ADCY3: variants seen among roughly 807,000 people sequenced by gnomAD.
ADCY3 encodes adenylate cyclase 3.
Under a neutral mutation model 119.4 loss-of-function variants are expected in ADCY3, and 70 were observed. That is an observed-to-expected ratio of 0.59 (90% CI 0.48 to 0.72). The LOEUF is 0.72. Ranked by LOEUF, ADCY3 falls within the 30% of genes least tolerant of loss-of-function variation. ADCY3 has a pLI of 0.00. For synonymous variants in ADCY3, 672 were observed against 621.4 expected (o/e 1.08, Z -1.21); for missense variants, 1,238 against 1,541.6 (o/e 0.80, Z 3.30).
At chr2:24,821,777 G>A in intron 19 of ADCY3, 137 bp from the exon 20 acceptor site, 1 of 1,322,932 alleles carries the variant, frequency 7.6e-7, no homozygotes, top group Non-Finnish European at 1.0e-6. Context: ...TCCCACAAAG[G>A]AGTCGCAGCC....
chr2:24,830,477 C>T (rs572939574), intron 13 of ADCY3, among the ~76,000 whole-genome samples: 1 of 152,182 alleles, frequency 6.6e-6, no homozygotes, highest in Non-Finnish European at 1.5e-5. Flanking sequence ...ACTGTGCTCT[C>T]GGACTCTGGG....
intron 19 of ADCY3, chr2:24,821,858 AGAG>A: frequency 1.7e-6 from 1 of 582,638 alleles, no homozygotes; most frequent in South Asian, 2.3e-5. Context: ...GCAATTGAGC[AGAG>A]GAGACGGACC....
In ADCY3 at chr2:24,920,005, G is replaced by A. The variant is rs561932103; in HGVS notation, c.-520C>T. Reference sequence around the variant, plus strand: ...GGCAGGGGCCGTGCGGGGGCCGGCAGGCGCGGGCGGCGGCGAGCGCGGCTC... The same window carrying A: ...GGCAGGGGCCGTGCGGGGGCCGGCAAGCGCGGGCGGCGGCGAGCGCGGCTC... On this transcript the variant is annotated 5_prime_UTR_variant, in exon 1 of 22. Coordinates refer to ENST00000679454, the MANE Select transcript of ADCY3 (RefSeq NM_004036.5). The surrounding 1 kb of genome is among the most constrained non-coding windows in gnomAD (Gnocchi z 4.5). Among the ~76,000 whole-genome samples, 100 of 147,686 alleles carry A rather than the reference G, an allele frequency of 6.8e-4. No homozygotes were observed. Among genetic ancestry groups the A allele is most frequent in the African/African-American group, 2.4e-3 (97 of 41,110 alleles).
intron 3 of ADCY3, among the ~76,000 whole-genome samples, chr2:24,870,889 T>C (rs891004808): frequency 1.3e-5 from 2 of 152,154 alleles, no homozygotes; most frequent in Admixed American, 6.5e-5. Flanking sequence ...ACTTTGCAGA[T>C]GAGGAAAAGT....
rs1024615619 is a variant in ADCY3 at position 24,872,476 on chromosome 2, G to A, written c.825+94C>T. Reference sequence around the variant, plus strand: ...AGGGTGGATGAACGCCAAGCCCCACGGAGCCAGGGGCTGCCGCTCTGGTTC... The same window carrying A: ...AGGGTGGATGAACGCCAAGCCCCACAGAGCCAGGGGCTGCCGCTCTGGTTC... On this transcript the variant is annotated intron_variant, in intron 3 of 21. Transcript: ENST00000679454. This position sits in a 1 kb window ranked among gnomAD's most constrained non-coding sequence, Gnocchi z 4.4. The A allele has an allele frequency of 5.4e-6, 8 of 1,477,406 alleles. No homozygotes were observed. The East Asian group carries it at 9.1e-5, about 17-fold the overall frequency. 91.5% of individuals were successfully genotyped at this position (1,477,406 alleles called of 1,614,324 possible). A position where few individuals can be genotyped will look rare whatever the true frequency, so the allele number is the denominator to read the frequency against.
rs375206488 is a variant in ADCY3 at position 24,821,485 on chromosome 2, T to A, written c.3127+32A>T. The stretch of plus-strand genomic sequence containing the variant: ...CAGGCCCCTGCATGGGAAGGGAGCC[T>A]GCTGCGGGGCAGGCCAGCTGGGGGT... On this transcript the variant is annotated intron_variant, in intron 20 of 21. Coordinates refer to ENST00000679454, the MANE Select transcript of ADCY3 (RefSeq NM_004036.5). 17 of 1,611,060 alleles carry A rather than the reference T, an allele frequency of 1.1e-5. No individual in the cohort carries two copies. In the African/African-American group the frequency reaches 2.1e-4, roughly 20 times the overall value.
intron 2 of ADCY3, among the ~76,000 whole-genome samples, chr2:24,917,616 C>T (rs1016043730): frequency 2.6e-5 from 4 of 152,152 alleles, no homozygotes; most frequent in African/African-American, 7.2e-5. Context: ...GCTCCAGGAC[C>T]AGCAGAATGC....
intron 20 of ADCY3, 187 bp downstream of exon 20, chr2:24,821,330 T>A: frequency 1.3e-6 from 1 of 756,662 alleles, no homozygotes; most frequent in Non-Finnish European, 2.1e-6. Context: ...ATCAGCTGGG[T>A]TTTTGGTTTA....
chr2:24,828,943 G>A (rs2148442377), intron 13 of ADCY3, among the ~76,000 whole-genome samples: 1 of 152,294 alleles, frequency 6.6e-6, no homozygotes, highest in Admixed American at 6.5e-5. Context: ...TCCCTGGGTA[G>A]TGGGCACCAG....
chr2:24,850,173 C>T (rs764225689), intron 3 of ADCY3, among the ~76,000 whole-genome samples: 1 of 152,098 alleles, frequency 6.6e-6, no homozygotes, highest in Non-Finnish European at 1.5e-5. Context: ...TCTGTTCCTC[C>T]CTCCTCACTA....
In ADCY3 at chr2:24,872,955, AG is replaced by A. The variant is rs1055915042; in HGVS notation, c.676-237del. Among the ~76,000 whole-genome samples, 12 of 152,354 alleles carry A rather than the reference AG, an allele frequency of 7.9e-5. No individual in the cohort carries two copies. The highest frequency in any genetic ancestry group is 2.9e-4 in the African/African-American group (12 of 41,596). The stretch of plus-strand genomic sequence containing the variant: ...CATGGCTCAAGGCCTGAAAGGCTCA[AG>A]GGTTCCACGAGGGGCAGGGTGCAGG... On this transcript the variant is annotated intron_variant, in intron 2 of 21. Transcript: ENST00000679454. The surrounding 1 kb of genome is among the most constrained non-coding windows in gnomAD (Gnocchi z 4.4).
At chr2:24,827,825 G>T in intron 14 of ADCY3, 77 bp downstream of exon 14, 3 of 1,589,086 alleles carry the variant, frequency 1.9e-6, no homozygotes, top group Non-Finnish European at 2.6e-6. Context: ...CTCAGCACAG[G>T]CCCATGAGCT....
At chr2:24,838,941 A>ATT (rs377483153) in intron 7 of ADCY3, 4,947 of 1,127,386 alleles carry the variant, frequency 4.4e-3, no homozygotes, top group Non-Finnish European at 4.8e-3. Flanking sequence ...GCGATAAGGA[A>ATT]TTTTTTTTTT....
At chr2:24,822,086 G>A in intron 19 of ADCY3, 1 of 190,198 alleles carries the variant, frequency 5.3e-6, no homozygotes, top group Non-Finnish European at 1.1e-5. Context: ...TTTAAGACCA[G>A]AGCTTGGGAC....
chr2:24,850,908 T>C (rs1157348213), intron 3 of ADCY3, among the ~76,000 whole-genome samples: 1 of 152,196 alleles, frequency 6.6e-6, no homozygotes. Context: ...GACGCTGGGA[T>C]CTATGTGTGC....
chr2:24,885,729 A>C (rs1256364571), intron 2 of ADCY3, among the ~76,000 whole-genome samples: 1 of 152,212 alleles, frequency 6.6e-6, no homozygotes, highest in African/African-American at 2.4e-5. Flanking sequence ...TATTTTTGCA[A>C]GTACCACCTT....
intron 3 of ADCY3, among the ~76,000 whole-genome samples, chr2:24,865,534 T>A (rs1674185408): frequency 1.4e-5 from 2 of 142,440 alleles, no homozygotes; most frequent in African/African-American, 5.4e-5. Context: ...TGTGTGTGTG[T>A]GAAAATTCTA....
chr2:24,918,596 G>A lies in ADCY3; in HGVS notation c.392C>T (p.Pro131Leu), dbSNP rs1271735636. ...LFVLCKKGLL[P>L]DRVTRRVLPY... ...CAGCACTCTGCGGGTGACCCGGTCCGGGAGCAGCCCCTTTTTGCAGAGCAC... is the reference window on the plus strand; with the variant it reads ...CAGCACTCTGCGGGTGACCCGGTCCAGGAGCAGCCCCTTTTTGCAGAGCAC... Residue 131 changes from proline (P) to leucine (L), a missense_variant, in exon 2 of 22, where the codon CCG (proline) becomes CTG (leucine). This residue lies in a region of ADCY3 where 227 missense variants were observed against 249.3 expected (regional missense o/e 0.91). Transcript: ENST00000679454. This position sits in a 1 kb window ranked among gnomAD's most constrained non-coding sequence, Gnocchi z 5.4. The A allele has an allele frequency of 3.1e-6, 5 of 1,614,122 alleles. No homozygotes were observed. The highest frequency in any genetic ancestry group is 1.7e-6 in the Non-Finnish European group (2 of 1,180,018).
chr2:24,834,925 G>A lies in ADCY3; in HGVS notation c.1674C>T (p.Pro558=), dbSNP rs770941055. The part of the protein sequence containing the change: ...PEEQDAQADN[P]SFPNPRRRLR... ...GCCTCCGGCGTGGGTTGGGGAATGA[G>A]GGGTTGTCGGCCTGTGAGCCAGGGA... is the stretch of plus-strand genomic sequence containing the variant. Residue 558 remains proline, a synonymous_variant, in exon 10 of 22, where the codon CCC becomes CCT. Transcript: ENST00000679454. The surrounding 1 kb of genome is among the most constrained non-coding windows in gnomAD (Gnocchi z 4.2). The A allele has an allele frequency of 6.2e-7, 1 of 1,613,552 alleles. No individual in the cohort carries two copies. The highest frequency in any genetic ancestry group is 1.7e-5 in the Admixed American group (1 of 59,986).
Sources: allele counts gnomAD v4.1 joint callset (sites outside exome capture counted in the v4.1 genomes callset), GRCh38; gene constraint gnomAD v4.1.1; regional missense constraint gnomAD v4.1.1; non-coding constraint Gnocchi (gnomAD v3.1); transcripts MANE v1.5; gene names NCBI Gene and HGNC (gene_info 2026-07-23, HGNC 2026-07-21).